The following CUX2 variants were observed in gnomAD, a reference collection of about 807,000 sequenced individuals.
CUX2 encodes the protein cut like homeobox 2, also known as homeobox protein cut-like 2.
In CUX2, 40 loss-of-function variants were observed where a neutral mutation model predicts 144.8. The ratio of observed to expected loss-of-function variants is 0.28; its 90% CI spans 0.21 to 0.36. The LOEUF is 0.36. Among genes scored for constraint, CUX2 ranks in the 10% least tolerant of loss-of-function variants. The pLI, the probability that CUX2 is intolerant of heterozygous loss-of-function variation, is 1.00. For synonymous variants in CUX2, 827 were observed against 875.6 expected, an observed-to-expected ratio of 0.94 and a Z score of 0.98; for missense variants, 1,615 against 1,994.0, an observed-to-expected ratio of 0.81 and a Z score of 3.62.
intron 20 of CUX2, among the ~76,000 whole-genome samples, chr12:111,340,004 T>A (rs1444806766): frequency 6.6e-6 from 1 of 152,172 alleles, no homozygotes; most frequent in Non-Finnish European, 1.5e-5. Context: ...AAGAGCAGCC[T>A]GGCCAACATG....
chr12:111,287,198 C>A lies in CUX2; in HGVS notation c.302-4220C>A, dbSNP rs1460497017. Reference sequence around the variant, plus strand: ...GTAGAACGAAATGTCAATACCTAATCCCTGCGAACAGGGTGAGTGACAGAC... The same window carrying A: ...GTAGAACGAAATGTCAATACCTAATACCTGCGAACAGGGTGAGTGACAGAC... On this transcript the variant is annotated intron_variant, in intron 4 of 21. Transcript: ENST00000261726. The surrounding 1 kb of genome is among the most constrained non-coding windows in gnomAD (Gnocchi z 4.2). Among the ~76,000 whole-genome samples, 1 of 152,230 alleles carries A rather than the reference C, an allele frequency of 6.6e-6. No homozygotes were observed. Among genetic ancestry groups the A allele is most frequent in the Non-Finnish European group, 1.5e-5 (1 of 68,048 alleles).
At chr12:111,049,850 G>T (rs1870178431) in intron 1 of CUX2, among the ~76,000 whole-genome samples, 1 of 152,186 alleles carries the variant, frequency 6.6e-6, no homozygotes, top group Admixed American at 6.5e-5. Flanking sequence ...GACCAAGGAG[G>T]TGGACAAGGC....
At chr12:111,211,803 C>T (rs1427178928) in intron 1 of CUX2, among the ~76,000 whole-genome samples, 2 of 151,518 alleles carry the variant, frequency 1.3e-5, no homozygotes, top group African/African-American at 2.4e-5. Flanking sequence ...AGGAGAATGC[C>T]GTGAACCTGG....
intron 16 of CUX2, among the ~76,000 whole-genome samples, chr12:111,317,824 G>A (rs945402657): frequency 1.3e-5 from 2 of 151,804 alleles, no homozygotes; most frequent in Non-Finnish European, 2.9e-5. Context: ...GGTGAAACCC[G>A]ATCTCTACTA....
chr12:111,177,908 G>A (rs1878950234), intron 1 of CUX2, among the ~76,000 whole-genome samples: 1 of 152,212 alleles, frequency 6.6e-6, no homozygotes, highest in Non-Finnish European at 1.5e-5. Flanking sequence ...TCAAAGCATT[G>A]TTGCTGCCAT....
At chr12:111,188,923 C>T (rs1056515379) in intron 1 of CUX2, among the ~76,000 whole-genome samples, 4 of 152,150 alleles carry the variant, frequency 2.6e-5, no homozygotes, top group African/African-American at 9.7e-5. Flanking sequence ...TGGGCAGATT[C>T]AGGAGTATTT....
At chr12:111,309,255 C>T (rs1886753637) in intron 14 of CUX2, among the ~76,000 whole-genome samples, 1 of 152,222 alleles carries the variant, frequency 6.6e-6, no homozygotes, top group African/African-American at 2.4e-5. Flanking sequence ...TGTGCTGCCT[C>T]TGTTTCCTCA....
intron 3 of CUX2, among the ~76,000 whole-genome samples, chr12:111,253,530 C>A (rs141938128): frequency 2.0e-5 from 3 of 152,182 alleles, no homozygotes; most frequent in Middle Eastern, 3.2e-3. Context: ...CTACTCCATT[C>A]TCCTCCCCTG....
chr12:111,072,537 G>A (rs188070167), intron 1 of CUX2, among the ~76,000 whole-genome samples: 1 of 152,324 alleles, frequency 6.6e-6, no homozygotes, highest in East Asian at 1.9e-4. Flanking sequence ...ACTCCCATGA[G>A]CTTAGGGACA....
intron 1 of CUX2, among the ~76,000 whole-genome samples, chr12:111,187,238 C>A (rs1340266073): frequency 1.3e-5 from 2 of 152,198 alleles, no homozygotes; most frequent in African/African-American, 4.8e-5. Flanking sequence ...CAGCAGCCTG[C>A]AGGTTCAGTG....
At chr12:111,146,361 C>G (rs763105300) in intron 1 of CUX2, among the ~76,000 whole-genome samples, 12 of 152,312 alleles carry the variant, frequency 7.9e-5, no homozygotes, top group Non-Finnish European at 1.5e-4. Flanking sequence ...TTTCCCCCAA[C>G]GTTCCTGGTA....
chr12:111,076,234 A>G (rs1871531105), intron 1 of CUX2, among the ~76,000 whole-genome samples: 1 of 152,240 alleles, frequency 6.6e-6, no homozygotes, highest in Non-Finnish European at 1.5e-5. Flanking sequence ...GAGGATGCTA[A>G]TCCACCACCA....
chr12:111,156,916 A>T (rs1159580425), intron 1 of CUX2, among the ~76,000 whole-genome samples: 2 of 144,672 alleles, frequency 1.4e-5, no homozygotes, highest in Admixed American at 1.4e-4. Context: ...AATCCAGGAG[A>T]CGGAGACTGC....
At chr12:111,319,965 C>G (rs937063391) in intron 16 of CUX2, 47 bp from the exon 17 acceptor site, 11 of 1,423,732 alleles carry the variant, frequency 7.7e-6, no homozygotes, top group South Asian at 4.5e-5. Context: ...CCCTGCATGC[C>G]GAGCCCTGAC....
At chr12:111,050,945 A>AG (rs975297754) in intron 1 of CUX2, among the ~76,000 whole-genome samples, 2 of 152,240 alleles carry the variant, frequency 1.3e-5, no homozygotes, top group East Asian at 3.8e-4. Flanking sequence ...ATAGCAGAGC[A>AG]GGGTGACTAT....
At chr12:111,134,620 C>CTCTCTGTGTG (rs1026548098) in intron 1 of CUX2, among the ~76,000 whole-genome samples, 156 of 142,200 alleles carry the variant, frequency 1.1e-3, no homozygotes, top group African/African-American at 4.0e-3. Context: ...CTCTCTCTCT[C>CTCTCTGTGTG]TGTGTGTGTG....
At chr12:111,115,952 C>T (rs1259723815) in intron 1 of CUX2, among the ~76,000 whole-genome samples, 2 of 152,186 alleles carry the variant, frequency 1.3e-5, no homozygotes, top group Admixed American at 1.3e-4. Flanking sequence ...TATTCTTTGA[C>T]ATAGATCTGA....
At chr12:111,146,152 AC>A (rs1433016015) in intron 1 of CUX2, among the ~76,000 whole-genome samples, 1 of 152,220 alleles carries the variant, frequency 6.6e-6, no homozygotes, top group East Asian at 1.9e-4. Flanking sequence ...CCCAAGTGGG[AC>A]ATGTGTTATA....
At chr12:111,117,648 G>C (rs1037235193) in intron 1 of CUX2, among the ~76,000 whole-genome samples, 10 of 152,222 alleles carry the variant, frequency 6.6e-5, no homozygotes, top group Non-Finnish European at 1.5e-4. Context: ...ATGACACTGA[G>C]AGCTAATGGT....
Sources: gnomAD v4.1 joint callset for allele counts (sites outside exome capture counted in the v4.1 genomes callset) on GRCh38, gnomAD v4.1.1 for gene constraint, Gnocchi (gnomAD v3.1) non-coding constraint, MANE v1.5 for transcripts, NCBI Gene and HGNC (gene_info 2026-07-23, HGNC 2026-07-21) for gene names.